The following BACE2 variants were observed in gnomAD, a reference collection of about 807,000 sequenced individuals.
BACE2 encodes the protein beta-secretase 2.
A neutral mutation model predicts 46.2 loss-of-function variants in BACE2; 17 were observed. The ratio of observed to expected loss-of-function variants is 0.37; its 90% CI spans 0.25 to 0.55. The LOEUF (loss-of-function observed/expected upper bound fraction) is 0.55, where lower values mean the gene tolerates loss of function less well. Among genes scored for constraint, BACE2 ranks in the 20% least tolerant of loss-of-function variants. BACE2 has a pLI of 0.82. For synonymous variants in BACE2, 277 were observed against 295.9 expected, an observed-to-expected ratio of 0.94 and a Z score of 0.66; for missense variants, 595 against 698.1, an observed-to-expected ratio of 0.85 and a Z score of 1.66.
intron 8 of BACE2, among the ~76,000 whole-genome samples, chr21:41,268,976 C>T (rs58534150): frequency 0.059 from 8,930 of 151,350 alleles, 409 homozygotes; most frequent in African/African-American, 0.12. Context: ...TTTTTTGAGA[C>T]GGAGCTTTGC....
At chr21:41,238,676 C>A (rs1340067523) in intron 3 of BACE2, among the ~76,000 whole-genome samples, 1 of 151,690 alleles carries the variant, frequency 6.6e-6, no homozygotes, top group Non-Finnish European at 1.5e-5. Context: ...AATTGGAAAT[C>A]ATCATTCTCA....
At chr21:41,198,706 C>CT (rs1239941263) in intron 1 of BACE2, among the ~76,000 whole-genome samples, 8 of 152,008 alleles carry the variant, frequency 5.3e-5, no homozygotes, top group East Asian at 3.9e-4. Context: ...CACCACTGCC[C>CT]TTTTTTTTGT....
intron 1 of BACE2, among the ~76,000 whole-genome samples, chr21:41,199,621 T>C (rs1985882202): frequency 6.6e-6 from 1 of 152,142 alleles, no homozygotes; most frequent in Non-Finnish European, 1.5e-5. Context: ...CTTCCTTTTC[T>C]TAATTCAGCT....
intron 1 of BACE2, among the ~76,000 whole-genome samples, chr21:41,216,440 A>G (rs886263813): frequency 6.6e-6 from 1 of 152,252 alleles, no homozygotes; most frequent in African/African-American, 2.4e-5. Flanking sequence ...TGGAACTGCC[A>G]CGGAAGATAA....
rs1022036951 is a variant in BACE2 at position 41,282,051 on chromosome 21, A to G, written c.*6427A>G. The G allele has an allele frequency of 6.6e-6, 1 of 152,152 alleles. No homozygotes were observed. Among genetic ancestry groups the G allele is most frequent in the Non-Finnish European group, 1.5e-5 (1 of 68,020 alleles). The allele number at this position is 152,152 out of a possible 1,614,324, so 9.4% of individuals were successfully genotyped here. On this transcript the variant is annotated 3_prime_UTR_variant, in exon 9 of 9. Transcript: ENST00000330333. ...GTTCAGTCATTGAAAGCGACCACTC[A>G]TTTTTTTCTTAAAGTTGATGCCTTT...
intron 8 of BACE2, among the ~76,000 whole-genome samples, chr21:41,265,993 A>G (rs905566197): frequency 1.3e-5 from 2 of 152,034 alleles, no homozygotes; most frequent in Non-Finnish European, 2.9e-5. Flanking sequence ...TTTATCAAAT[A>G]ACTTACTTTT....
intron 1 of BACE2, chr21:41,179,238 T>C (rs1568856736): frequency 7.9e-7 from 1 of 1,262,474 alleles, no homozygotes; most frequent in Non-Finnish European, 1.0e-6. Flanking sequence ...AGTGAGGGTG[T>C]CCAGGGTGAG....
At chr21:41,217,569 G>C (rs1986510407) in intron 1 of BACE2, among the ~76,000 whole-genome samples, 1 of 152,212 alleles carries the variant, frequency 6.6e-6, no homozygotes, top group African/African-American at 2.4e-5. Flanking sequence ...GGCAGCTCAT[G>C]GCAGCTTTGG....
chr21:41,177,843 CT>C (rs1333723680), intron 1 of BACE2: 1 of 152,518 alleles, frequency 6.6e-6, no homozygotes, highest in Non-Finnish European at 1.5e-5. Flanking sequence ...TGTCCTCTGA[CT>C]GCAAACCCAG....
chr21:41,184,388 A>T (rs1985284514), intron 1 of BACE2: 1 of 167,074 alleles, frequency 6.0e-6, no homozygotes, highest in Non-Finnish European at 1.5e-5. Context: ...AATCGTGGCA[A>T]TTTGAAGAAC....
chr21:41,182,475 A>G (rs761194163), intron 1 of BACE2: 78 of 166,932 alleles, frequency 4.7e-4, no homozygotes, highest in Non-Finnish European at 1.8e-4. Context: ...GAAGGACAGT[A>G]TTTTATTTTT....
At chr21:41,207,670 G>T (rs766973341) in intron 1 of BACE2, among the ~76,000 whole-genome samples, 1 of 150,338 alleles carries the variant, frequency 6.7e-6, no homozygotes, top group Non-Finnish European at 1.5e-5. Flanking sequence ...TGTTGGAGCA[G>T]AAGAAAACAT....
chr21:41,189,194 TAA>T (rs58968308), intron 1 of BACE2, among the ~76,000 whole-genome samples: 1 of 145,590 alleles, frequency 6.9e-6, no homozygotes. Flanking sequence ...TCTGGATCTT[TAA>T]AAAAAAAAAA....
chr21:41,257,609 G>A (rs144099024), intron 8 of BACE2, among the ~76,000 whole-genome samples: 1 of 152,196 alleles, frequency 6.6e-6, no homozygotes, highest in Non-Finnish European at 1.5e-5. Context: ...AAACCTTGGA[G>A]TTGAATTGCA....
chr21:41,246,243 A>G (rs1417042502), intron 6 of BACE2, 180 bp downstream of exon 6: 2 of 348,550 alleles, frequency 5.7e-6, no homozygotes, highest in Non-Finnish European at 1.0e-5. Context: ...TATATTTTAT[A>G]TGTATTTAAA....
intron 6 of BACE2, among the ~76,000 whole-genome samples, chr21:41,250,020 A>G (rs1987594440): frequency 6.6e-6 from 1 of 152,040 alleles, no homozygotes; most frequent in Non-Finnish European, 1.5e-5. Context: ...TGTGCAAGGT[A>G]TTAGGGCTGC....
At chr21:41,207,292 T>G (rs774014265) in intron 1 of BACE2, among the ~76,000 whole-genome samples, 17 of 152,202 alleles carry the variant, frequency 1.1e-4, no homozygotes, top group Non-Finnish European at 2.1e-4. Context: ...AGAAATGTTA[T>G]TCTACTTATC....
chr21:41,201,303 A>G (rs1283258483), intron 1 of BACE2, among the ~76,000 whole-genome samples: 1 of 152,242 alleles, frequency 6.6e-6, no homozygotes, highest in Non-Finnish European at 1.5e-5. Context: ...TTAAAGAGAA[A>G]TGCATTAAGT....
intron 2 of BACE2, 95 bp from the exon 3 acceptor site, chr21:41,237,418 C>A (rs967751694): frequency 4.3e-6 from 4 of 936,486 alleles, no homozygotes; most frequent in African/African-American, 1.7e-5. Flanking sequence ...TGCACTCCAG[C>A]CTGGGTGACA....
Sources: gnomAD v4.1 joint callset for allele counts (sites outside exome capture counted in the v4.1 genomes callset) on GRCh38, gnomAD v4.1.1 for gene constraint, MANE v1.5 for transcripts, NCBI Gene and HGNC (gene_info 2026-07-23, HGNC 2026-07-21) for gene names.